TENM4: variants seen among roughly 807,000 people sequenced by gnomAD.
The protein encoded by TENM4 is teneurin-4.
In TENM4, 82 loss-of-function variants were observed where a neutral mutation model predicts 243.3. The observed-to-expected ratio is 0.34, with a 90% confidence interval of 0.28 to 0.40. The LOEUF (loss-of-function observed/expected upper bound fraction) is 0.40. Ranked by LOEUF, TENM4 falls within the 10% of genes least tolerant of loss-of-function variation. TENM4 has a pLI of 1.00. For synonymous variants in TENM4, 1,412 were observed against 1,456.3 expected, an observed-to-expected ratio of 0.97 and a Z score of 0.69; for missense variants, 3,138 against 3,673.3, an observed-to-expected ratio of 0.85 and a Z score of 3.77.
intron 6 of TENM4, among the ~76,000 whole-genome samples, chr11:79,005,873 A>T (rs1858467749): frequency 1.3e-5 from 2 of 152,242 alleles, no homozygotes; most frequent in Admixed American, 6.5e-5. Context: ...AAGCTCCTAG[A>T]TCTGATAAAT....
chr11:79,241,842 C>A (rs543689072), intron 2 of TENM4, among the ~76,000 whole-genome samples: 7 of 152,284 alleles, frequency 4.6e-5, no homozygotes, highest in African/African-American at 1.4e-4. Context: ...CCCCACTCAT[C>A]CCTGAGCTGG....
chr11:78,703,331 A>G (rs1204546141), intron 27 of TENM4, among the ~76,000 whole-genome samples: 1 of 152,158 alleles, frequency 6.6e-6, no homozygotes, highest in African/African-American at 2.4e-5. Context: ...CACTTAAGCA[A>G]AATCCCCAGG....
intron 1 of TENM4, among the ~76,000 whole-genome samples, chr11:79,329,761 G>C (rs953776974): frequency 2.0e-5 from 3 of 152,228 alleles, no homozygotes; most frequent in Admixed American, 6.5e-5. Flanking sequence ...GGGAAGATGA[G>C]ATCAGAAGTT....
rs551027713 is a variant in TENM4, at chr11:79,151,380, T to C, written c.-162-2574A>G. On this transcript the variant is annotated intron_variant, in intron 3 of 33. Transcript: ENST00000278550. ...TTACACAAGTATAGTAGAAGATTGC[T>C]TATCTAGAAGTCTAAACACAAGAAG... Among the ~76,000 whole-genome samples the C allele has an allele frequency of 2.6e-5, 4 of 152,322 alleles. No individual in the cohort carries two copies. In the East Asian group the frequency reaches 7.7e-4, roughly 29 times the overall value.
chr11:78,714,546 C>A (rs1207459540), intron 25 of TENM4, among the ~76,000 whole-genome samples: 1 of 152,212 alleles, frequency 6.6e-6, no homozygotes, highest in African/African-American at 2.4e-5. Flanking sequence ...TCAAGCCATT[C>A]TTGATCTAAC....
At chr11:78,732,800 T>G (rs998145202) in intron 20 of TENM4, among the ~76,000 whole-genome samples, 11 of 152,206 alleles carry the variant, frequency 7.2e-5, no homozygotes, top group African/African-American at 2.4e-4. Context: ...ATAGAGAATT[T>G]GCTGAAATGA....
intron 6 of TENM4, among the ~76,000 whole-genome samples, chr11:78,907,685 C>T (rs1267664463): frequency 6.6e-6 from 1 of 152,180 alleles, no homozygotes; most frequent in Non-Finnish European, 1.5e-5. Flanking sequence ...CAGAGCTGTG[C>T]CTGATGCATG....
At chr11:78,823,972 T>C (rs1409184412) in intron 12 of TENM4, among the ~76,000 whole-genome samples, 1 of 152,226 alleles carries the variant, frequency 6.6e-6, no homozygotes, top group East Asian at 1.9e-4. Context: ...GAAAGTGTTC[T>C]TTCCCATTTC....
intron 29 of TENM4, among the ~76,000 whole-genome samples, chr11:78,685,459 G>C (rs1168592969): frequency 3.9e-5 from 6 of 152,198 alleles, no homozygotes. Flanking sequence ...CAGGTACCAT[G>C]TTTCCTGGAT....
intron 7 of TENM4, among the ~76,000 whole-genome samples, chr11:78,899,980 C>T (rs1042197716): frequency 2.0e-5 from 3 of 152,208 alleles, no homozygotes; most frequent in Admixed American, 2.0e-4. Context: ...AGGGTACTGC[C>T]AAGACCAGCT....
intron 1 of TENM4, chr11:79,422,132 C>T (rs1858945951): frequency 6.5e-6 from 1 of 154,090 alleles, no homozygotes; most frequent in African/African-American, 2.4e-5. Flanking sequence ...CTCATCTTCT[C>T]AACTCTGTTC....
chr11:78,947,449 G>A (rs1000950921), intron 6 of TENM4, among the ~76,000 whole-genome samples: 1 of 151,802 alleles, frequency 6.6e-6, no homozygotes, highest in Non-Finnish European at 1.5e-5. Context: ...GGTGTGTGGG[G>A]ACCTGGAAAA....
At chr11:78,949,197 TG>T (rs1391900729) in intron 6 of TENM4, among the ~76,000 whole-genome samples, 2 of 152,226 alleles carry the variant, frequency 1.3e-5, no homozygotes, top group African/African-American at 4.8e-5. Flanking sequence ...AAGTCGCCAG[TG>T]GTCACATGGA....
rs536124302 is a variant in TENM4 at position 79,417,054 on chromosome 11, T to C, written c.-321+23455A>G. ...TGTATAACATTAAGGGCAAAACAGA[T>C]ATCTGGAAAGTAGTTAACTGAGAGT... On this transcript the variant is annotated intron_variant, in intron 1 of 33. Coordinates refer to ENST00000278550, the MANE Select transcript of TENM4 (RefSeq NM_001098816.3). Among the ~76,000 whole-genome samples the C allele has an allele frequency of 7.8e-4, 119 of 152,282 alleles. 3 individuals carry two copies. In the South Asian group the frequency reaches 0.024, roughly 31 times the overall value.
chr11:78,856,440 G>A (rs1276116053), intron 10 of TENM4, among the ~76,000 whole-genome samples: 1 of 152,090 alleles, frequency 6.6e-6, no homozygotes, highest in Non-Finnish European at 1.5e-5. Context: ...CTCCCCAAGG[G>A]CCATCTGTTT....
intron 4 of TENM4, among the ~76,000 whole-genome samples, chr11:79,073,566 A>G (rs533429146): frequency 8.5e-5 from 13 of 152,222 alleles, no homozygotes; most frequent in Non-Finnish European, 1.9e-4. Context: ...CCAATTAAGT[A>G]AAGTATTACG....
intron 9 of TENM4, among the ~76,000 whole-genome samples, chr11:78,876,989 T>C (rs1859283456): frequency 6.6e-6 from 1 of 152,334 alleles, no homozygotes; most frequent in African/African-American, 2.4e-5. Context: ...GTTCTCTTGC[T>C]TAATGCTCAA....
intron 6 of TENM4, among the ~76,000 whole-genome samples, chr11:78,999,893 ACATTAATCTATATATCCAAGAAG>A (rs542521081): frequency 9.3e-4 from 142 of 152,324 alleles, no homozygotes; most frequent in African/African-American, 3.2e-3. Context: ...TTGATGAAAA[ACATTAATCTATATATCCAAGAAG>A]CAAAATGAAC....
chr11:79,341,127 G>A (rs1857234736), intron 1 of TENM4, among the ~76,000 whole-genome samples: 2 of 152,160 alleles, frequency 1.3e-5, no homozygotes, highest in South Asian at 4.1e-4. Context: ...TCTCCCTTTG[G>A]AGCCTCCAGA....
Sources: gnomAD v4.1 joint callset for allele counts (sites outside exome capture counted in the v4.1 genomes callset) on GRCh38, gnomAD v4.1.1 for gene constraint, MANE v1.5 for transcripts, NCBI Gene and HGNC (gene_info 2026-07-23, HGNC 2026-07-21) for gene names.